Variants in PIP4P2 observed in about 807,000 individuals in gnomAD.
PIP4P2 encodes type 2 phosphatidylinositol 4,5-bisphosphate 4-phosphatase.
Under a neutral mutation model 33.3 loss-of-function variants are expected in PIP4P2, and 19 were observed. The observed-to-expected ratio is 0.57, with a 90% CI of 0.40 to 0.84. PIP4P2 has a LOEUF of 0.84. PIP4P2 is among the 40% of genes least tolerant of loss of function. The pLI, the probability that PIP4P2 is intolerant of heterozygous loss-of-function variation, is 0.00. For synonymous variants in PIP4P2, 110 were observed against 111.9 expected, an observed-to-expected ratio of 0.98 and a Z score of 0.11; for missense variants, 270 against 324.7, an observed-to-expected ratio of 0.83 and a Z score of 1.29.
intron 4 of PIP4P2, among the ~76,000 whole-genome samples, chr8:91,010,922 C>T (rs1396281326): frequency 7.1e-6 from 1 of 140,196 alleles, no homozygotes; most frequent in African/African-American, 2.7e-5. Flanking sequence ...TGAGTTTCCC[C>T]AAGATATATT....
Position 91,021,264 on chromosome 8 carries a change from C to A in PIP4P2, c.247G>T (p.Glu83Ter). The A allele has an allele frequency of 6.2e-7, 1 of 1,613,554 alleles. No individual in the cohort carries two copies. Among genetic ancestry groups the A allele is most frequent in the Non-Finnish European group, 8.5e-7 (1 of 1,179,658 alleles). ...TGGAAATCTCCACTTACCGTAGCTT[C>A]ATTGCAAACTGTGCACTTAACCACA... ...QHVVKCTVCN[E>*]ATPIKNPPTG... is the part of the protein sequence containing the mutation. Residue 83 changes from glutamate to a stop codon, truncating the protein, a stop_gained, in exon 2 of 7, where the codon GAA becomes TAA. Coordinates refer to ENST00000285419, the MANE Select transcript of PIP4P2 (RefSeq NM_018710.3). LOFTEE classifies it high-confidence loss of function.
intron 1 of PIP4P2, among the ~76,000 whole-genome samples, chr8:91,022,329 A>C (rs1348729452): frequency 7.9e-5 from 12 of 152,172 alleles, no homozygotes; most frequent in Admixed American, 7.9e-4. Context: ...GAGTGAGTGA[A>C]GGGTGGAGGC....
chr8:90,999,479 G>A (rs963587974), intron 5 of PIP4P2, among the ~76,000 whole-genome samples: 1 of 152,000 alleles, frequency 6.6e-6, no homozygotes, highest in African/African-American at 2.4e-5. Flanking sequence ...ATTCAAAGAG[G>A]AGAGAAAAAA....
At chr8:91,008,472 C>A (rs1416987389) in intron 5 of PIP4P2, among the ~76,000 whole-genome samples, 2 of 152,060 alleles carry the variant, frequency 1.3e-5, no homozygotes, top group Non-Finnish European at 1.5e-5. Flanking sequence ...AATATCCTAA[C>A]CAGGTTACTG....
chr8:91,021,140 T>A, intron 2 of PIP4P2, 116 bp downstream of exon 2: 1 of 1,195,484 alleles, frequency 8.4e-7, no homozygotes, highest in South Asian at 1.6e-5. Context: ...GAAAAAAGAT[T>A]ACCATATTTG....
At chr8:91,034,964 T>G (rs1812216320) in intron 1 of PIP4P2, among the ~76,000 whole-genome samples, 1 of 152,204 alleles carries the variant, frequency 6.6e-6, no homozygotes, top group Non-Finnish European at 1.5e-5. Context: ...AGACACTATC[T>G]CTAACCTTAG....
chr8:91,004,722 G>A (rs1247270640), intron 5 of PIP4P2, among the ~76,000 whole-genome samples: 1 of 152,164 alleles, frequency 6.6e-6, no homozygotes, highest in East Asian at 1.9e-4. Context: ...CCTCTGAGAA[G>A]AGGAAATGAA....
rs562017978 is a variant in PIP4P2, at chr8:91,037,589, G to A, written c.106+3055C>T. 7.6e-4 allele frequency among the ~76,000 whole-genome samples: 115 copies of A among 152,252 alleles called. 1 individual carries two copies. Among genetic ancestry groups the A allele is most frequent in the African/African-American group, 2.7e-3 (111 of 41,542 alleles). ...ATTTCTCAATACCCCCACTACACTGGAAGAGGAGCCATGACTATTTTTCTT... is the reference window on the plus strand; with the variant it reads ...ATTTCTCAATACCCCCACTACACTGAAAGAGGAGCCATGACTATTTTTCTT... On this transcript the variant is annotated intron_variant, in intron 1 of 6. Coordinates refer to ENST00000285419, the MANE Select transcript of PIP4P2 (RefSeq NM_018710.3).
At chr8:91,021,969 T>G (rs550301079) in intron 1 of PIP4P2, among the ~76,000 whole-genome samples, 1 of 152,146 alleles carries the variant, frequency 6.6e-6, no homozygotes, top group South Asian at 2.1e-4. Context: ...CTTCTCAGCA[T>G]GGAACAAAAA....
At chr8:91,012,437 CATA>C (rs1303398380) in intron 4 of PIP4P2, among the ~76,000 whole-genome samples, 1 of 151,932 alleles carries the variant, frequency 6.6e-6, no homozygotes, top group Non-Finnish European at 1.5e-5. Context: ...TCAAGATCAG[CATA>C]ATAATAAGGA....
intron 1 of PIP4P2, among the ~76,000 whole-genome samples, chr8:91,024,531 T>G (rs886899549): frequency 6.6e-6 from 1 of 152,110 alleles, no homozygotes; most frequent in African/African-American, 2.4e-5. Context: ...TTAAGTGATC[T>G]TCTCACCTCA....
rs553543262 is a variant in PIP4P2 at position 91,023,633 on chromosome 8, G to A, written c.107-2229C>T. ...CTACTCTTTTGGAGGCTTGGGAAGT[G>A]GAGGGACATGGACAGAACAAGCAGT... On this transcript the variant is annotated intron_variant, in intron 1 of 6. Coordinates refer to ENST00000285419, the MANE Select transcript of PIP4P2 (RefSeq NM_018710.3). Among the ~76,000 whole-genome samples, 4 of 151,988 alleles carry A rather than the reference G, an allele frequency of 2.6e-5. No individual in the cohort carries two copies. The East Asian group carries it at 7.8e-4, about 29-fold the overall frequency.
At chr8:91,011,330 A>G (rs530658271) in intron 4 of PIP4P2, among the ~76,000 whole-genome samples, 139 of 152,172 alleles carry the variant, frequency 9.1e-4, no homozygotes, top group African/African-American at 3.2e-3. Context: ...CATGGGCCCT[A>G]CAGAAATGTA....
intron 1 of PIP4P2, among the ~76,000 whole-genome samples, chr8:91,031,071 G>A (rs1812156779): frequency 6.6e-6 from 1 of 152,100 alleles, no homozygotes; most frequent in Non-Finnish European, 1.5e-5. Context: ...TTCCACTTAG[G>A]TCATCTTGTA....
At chr8:91,018,675 GT>G (rs1454837539) in intron 3 of PIP4P2, 162 bp from the exon 4 acceptor site, 1 of 1,111,860 alleles carries the variant, frequency 9.0e-7, no homozygotes, top group African/African-American at 1.6e-5. Flanking sequence ...GCAACAGTCA[GT>G]TTTTCAAAAG....
intron 5 of PIP4P2, 83 bp from the exon 6 acceptor site, chr8:90,996,827 G>C: frequency 9.3e-7 from 1 of 1,073,658 alleles, no homozygotes; most frequent in Non-Finnish European, 1.4e-6. Flanking sequence ...CTTATCTATG[G>C]CTTTAGTAAT....
intron 4 of PIP4P2, among the ~76,000 whole-genome samples, chr8:91,015,663 G>A (rs555677076): frequency 5.3e-5 from 8 of 152,228 alleles, no homozygotes; most frequent in East Asian, 1.9e-4. Context: ...GGGTACACTC[G>A]CCAGCAGTTT....
intron 1 of PIP4P2, among the ~76,000 whole-genome samples, chr8:91,037,511 C>G (rs879300645): frequency 6.6e-6 from 1 of 152,182 alleles, no homozygotes; most frequent in Non-Finnish European, 1.5e-5. Context: ...ATATTTCCAG[C>G]ACTGTCTTCA....
chr8:91,005,880 T>G (rs535531706), intron 5 of PIP4P2, among the ~76,000 whole-genome samples: 15 of 152,330 alleles, frequency 9.8e-5, no homozygotes, highest in African/African-American at 3.4e-4. Context: ...ACACCTTCAG[T>G]CTGGCAGTGG....
Sources: allele counts gnomAD v4.1 joint callset (sites outside exome capture counted in the v4.1 genomes callset), GRCh38; gene constraint gnomAD v4.1.1; transcripts MANE v1.5; gene names NCBI Gene and HGNC (gene_info 2026-07-23, HGNC 2026-07-21).